SMOC1: variants seen among roughly 807,000 people sequenced by gnomAD.
SMOC1 encodes the protein SPARC-related modular calcium-binding protein 1.
Under a neutral mutation model 56.3 loss-of-function variants are expected in SMOC1, and 22 were observed. The ratio of observed to expected loss-of-function variants is 0.39; its 90% CI spans 0.28 to 0.56. SMOC1 has a LOEUF of 0.56. SMOC1 is among the 20% of genes least tolerant of loss of function. The pLI is 0.61. For synonymous variants in SMOC1, 193 were observed against 215.0 expected (o/e 0.90, Z 0.89); for missense variants, 509 against 565.4 (o/e 0.90, Z 1.01).
intron 1 of SMOC1, among the ~76,000 whole-genome samples, chr14:69,890,913 G>A (rs190577725): frequency 1.3e-5 from 2 of 152,262 alleles, no homozygotes; most frequent in Admixed American, 6.5e-5. Flanking sequence ...AGATAAGTTC[G>A]AGACTGTTCA....
intron 10 of SMOC1, among the ~76,000 whole-genome samples, chr14:70,016,425 T>C (rs1417949853): frequency 1.3e-5 from 2 of 152,192 alleles, no homozygotes; most frequent in Admixed American, 1.3e-4. Context: ...CCTTTGGTAG[T>C]TATGTTACCT....
intron 3 of SMOC1, among the ~76,000 whole-genome samples, chr14:69,962,493 A>G (rs1258608202): frequency 3.3e-5 from 5 of 151,576 alleles, no homozygotes; most frequent in African/African-American, 7.3e-5. Context: ...ATGATTCACA[A>G]ATATTTTCTC....
At position 69,958,229 on chromosome 14, in the gene SMOC1, G is replaced by C. The variant is rs1883257738; in HGVS notation, c.378+4697G>C. The stretch of plus-strand genomic sequence containing the variant: ...TGCTCTATGATTGCACCTGTGAATA[G>C]CCACTCCACTCCAGCCTGGATAACA... On this transcript the variant is annotated intron_variant, in intron 3 of 11. Transcript: ENST00000361956. 2.0e-5 allele frequency among the ~76,000 whole-genome samples: 3 copies of C among 152,116 alleles called. No homozygotes were observed. In the South Asian group the frequency reaches 6.2e-4, roughly 32 times the overall value.
chr14:69,915,654 C>A (rs1428043150), intron 1 of SMOC1, among the ~76,000 whole-genome samples: 1 of 152,200 alleles, frequency 6.6e-6, no homozygotes. Flanking sequence ...TCCATTACGT[C>A]CCTGAAACAA....
At chr14:69,977,992 A>G (rs756638990) in intron 5 of SMOC1, 27 bp downstream of exon 5, 4 of 1,603,252 alleles carry the variant, frequency 2.5e-6, no homozygotes, top group Non-Finnish European at 3.4e-6. Context: ...GCTTTATCTA[A>G]ATGTTTGCTT....
At chr14:69,887,233 A>C (rs1041602855) in intron 1 of SMOC1, among the ~76,000 whole-genome samples, 1 of 152,160 alleles carries the variant, frequency 6.6e-6, no homozygotes, top group Non-Finnish European at 1.5e-5. Context: ...AGATACAGTA[A>C]CTTATAAATA....
At chr14:69,907,919 C>A (rs776419521) in intron 1 of SMOC1, among the ~76,000 whole-genome samples, 1 of 152,184 alleles carries the variant, frequency 6.6e-6, no homozygotes, top group Non-Finnish European at 1.5e-5. Context: ...TTTATAAAGG[C>A]TCTAATGCCA....
intron 1 of SMOC1, among the ~76,000 whole-genome samples, chr14:69,910,524 TG>T (rs1257047432): frequency 6.6e-6 from 1 of 152,174 alleles, no homozygotes; most frequent in Non-Finnish European, 1.5e-5. Flanking sequence ...TGGCACCTTC[TG>T]CCTATAAGAC....
intron 3 of SMOC1, among the ~76,000 whole-genome samples, chr14:69,974,606 T>C (rs1883889137): frequency 6.6e-6 from 1 of 152,108 alleles, no homozygotes; most frequent in African/African-American, 2.4e-5. Flanking sequence ...CACTGAAGGA[T>C]TCTAAGCAGG....
chr14:70,027,734 C>T (rs1030569542), intron 11 of SMOC1, among the ~76,000 whole-genome samples: 1 of 152,184 alleles, frequency 6.6e-6, no homozygotes, highest in Admixed American at 6.5e-5. Flanking sequence ...GATTATAGTA[C>T]CTACCTCAAC....
chr14:69,999,918 C>T (rs966577204), intron 7 of SMOC1, among the ~76,000 whole-genome samples: 1 of 152,118 alleles, frequency 6.6e-6, no homozygotes, highest in Non-Finnish European at 1.5e-5. Flanking sequence ...ACTGGGATGA[C>T]GTGCTGCACC....
chr14:70,007,980 C>T (rs2139580821), intron 7 of SMOC1, among the ~76,000 whole-genome samples: 1 of 152,160 alleles, frequency 6.6e-6, no homozygotes, highest in African/African-American at 2.4e-5. Flanking sequence ...GGCACCTGGA[C>T]TTGCAGATAC....
At chr14:69,964,980 G>C (rs1421538284) in intron 3 of SMOC1, among the ~76,000 whole-genome samples, 1 of 152,174 alleles carries the variant, frequency 6.6e-6, no homozygotes, top group Non-Finnish European at 1.5e-5. Context: ...GATGTTGCCA[G>C]ACTAGGGCAT....
Position 70,011,512 on chromosome 14 carries a change from C to T in SMOC1, c.885C>T (p.Asp295=), listed in dbSNP as rs140005316. The change falls in exon 9 of 12, where the codon GAC becomes GAT. Residue 295 remains aspartate, a synonymous_variant. Transcript: ENST00000361956. ...ACGTGATGCCCAGTTGTGAGAGCGACGCCAGGGCCAAGACTACAGAGGCGG... is the reference window on the plus strand; with the variant it reads ...ACGTGATGCCCAGTTGTGAGAGCGATGCCAGGGCCAAGACTACAGAGGCGG... The part of the protein sequence containing the change: ...TRYVMPSCES[D]ARAKTTEADD... 3.7e-5 allele frequency: 60 copies of T among 1,612,276 alleles called. 1 individual carries two copies. Among genetic ancestry groups the T allele is most frequent in the East Asian group, 6.7e-5 (3 of 44,766 alleles).
chr14:69,903,900 TAAAA>T (rs55792587), intron 1 of SMOC1, among the ~76,000 whole-genome samples: 4 of 139,010 alleles, frequency 2.9e-5, no homozygotes, highest in South Asian at 4.5e-4. Context: ...AATGATCAAT[TAAAA>T]AAAAAAAAAA....
chr14:69,936,077 T>A (rs1455585417), intron 1 of SMOC1, among the ~76,000 whole-genome samples: 2 of 152,298 alleles, frequency 1.3e-5, no homozygotes, highest in South Asian at 2.1e-4. Flanking sequence ...GAGCTGCATG[T>A]CTTGCAAGGT....
intron 5 of SMOC1, among the ~76,000 whole-genome samples, chr14:69,986,891 G>A (rs955376489): frequency 6.6e-6 from 1 of 152,158 alleles, no homozygotes; most frequent in Non-Finnish European, 1.5e-5. Context: ...TGACATGCCC[G>A]ACCACTTCTG....
intron 1 of SMOC1, chr14:69,886,230 C>A (rs1329858070): frequency 1.5e-6 from 1 of 678,796 alleles, no homozygotes; most frequent in African/African-American, 1.8e-5. Flanking sequence ...CTGCAGTGAG[C>A]ATCTTAATAT....
chr14:69,977,291 C>T (rs113201376), intron 4 of SMOC1, among the ~76,000 whole-genome samples: 6 of 152,346 alleles, frequency 3.9e-5, no homozygotes, highest in African/African-American at 1.2e-4. Flanking sequence ...AGGGGATGCA[C>T]AGAGCACCCT....
Sources: allele counts gnomAD v4.1 joint callset (sites outside exome capture counted in the v4.1 genomes callset), GRCh38; gene constraint gnomAD v4.1.1; transcripts MANE v1.5; gene names NCBI Gene and HGNC (gene_info 2026-07-23, HGNC 2026-07-21).